The following LRP6 variants were observed in gnomAD, a reference collection of about 807,000 sequenced individuals.
LRP6 encodes the protein LDL receptor related protein 6.
Under a neutral mutation model 184.1 loss-of-function variants are expected in LRP6, and 43 were observed. The observed-to-expected ratio is 0.23, with a 90% CI of 0.18 to 0.30. LRP6 has a LOEUF of 0.30. Ranked by LOEUF, LRP6 falls within the 10% of genes least tolerant of loss-of-function variation. LRP6 has a pLI of 1.00. For missense variants in LRP6, 1,571 were observed against 2,005.3 expected (o/e 0.78, Z 4.14); for synonymous variants, 719 against 684.9 (o/e 1.05, Z -0.78).
intron 1 of LRP6, among the ~76,000 whole-genome samples, chr12:12,245,037 A>T (rs536168983): frequency 6.6e-6 from 1 of 152,380 alleles, no homozygotes; most frequent in East Asian, 1.9e-4. Flanking sequence ...AAAAGGTTAA[A>T]CATACAACCT....
chr12:12,246,208 G>A (rs1203965892), intron 1 of LRP6, among the ~76,000 whole-genome samples: 2 of 151,808 alleles, frequency 1.3e-5, no homozygotes, highest in African/African-American at 4.8e-5. Flanking sequence ...GTTTCGCCAT[G>A]TTGACCAGGC....
At position 12,156,180 on chromosome 12, in the gene LRP6, T is replaced by C. The variant is rs1020136340; in HGVS notation, c.2791+2649A>G. ...TGGCACGTTGGATAGAATGGCAGCA[T>C]AATTTTAATTTTAAATAGCATAGAC... is the stretch of plus-strand genomic sequence containing the variant. On this transcript the variant is annotated intron_variant, in intron 12 of 22. Transcript: ENST00000261349. 2.6e-5 allele frequency among the ~76,000 whole-genome samples: 4 copies of C among 152,194 alleles called. No individual in the cohort carries two copies. The South Asian group carries it at 6.2e-4, about 24-fold the overall frequency.
intron 7 of LRP6, among the ~76,000 whole-genome samples, chr12:12,173,424 C>A (rs949936303): frequency 6.6e-6 from 1 of 152,214 alleles, no homozygotes; most frequent in African/African-American, 2.4e-5. Flanking sequence ...CTCGCTGCAA[C>A]CTCTGCCTCC....
chr12:12,159,247 C>G (rs1001778889), intron 11 of LRP6, 92 bp from the exon 12 acceptor site: 10 of 895,552 alleles, frequency 1.1e-5, no homozygotes, highest in Middle Eastern at 2.9e-4. Flanking sequence ...AAAAAAAAAG[C>G]CCTAACATAT....
At chr12:12,135,736 A>G (rs933971974) in intron 16 of LRP6, among the ~76,000 whole-genome samples, 8 of 151,802 alleles carry the variant, frequency 5.3e-5, no homozygotes, top group Non-Finnish European at 1.5e-5. Flanking sequence ...ATTTCCACAC[A>G]ATATGATTCT....
chr12:12,204,841 C>T (rs1864010951), intron 2 of LRP6, among the ~76,000 whole-genome samples: 1 of 150,310 alleles, frequency 6.7e-6, no homozygotes, highest in Non-Finnish European at 1.5e-5. Context: ...GTGGTGGGTG[C>T]CTGTTATCCC....
intron 2 of LRP6, among the ~76,000 whole-genome samples, chr12:12,207,109 T>A (rs1364095721): frequency 6.6e-6 from 1 of 152,172 alleles, no homozygotes; most frequent in Non-Finnish European, 1.5e-5. Context: ...GCATAAACAT[T>A]CTACTGTGGG....
chr12:12,167,641 CA>C (rs375921278), intron 7 of LRP6, among the ~76,000 whole-genome samples: 3,037 of 118,784 alleles, frequency 0.026, 36 homozygotes, highest in African/African-American at 0.044. Flanking sequence ...GACTCTGTCT[CA>C]AAAAAAAAAA....
intron 7 of LRP6, among the ~76,000 whole-genome samples, chr12:12,171,062 T>G (rs12371077): frequency 6.6e-6 from 1 of 152,158 alleles, no homozygotes; most frequent in Non-Finnish European, 1.5e-5. Flanking sequence ...AGATCAGCCA[T>G]GTACTAACAA....
At chr12:12,140,194 AT>A (rs1376436327) in intron 15 of LRP6, among the ~76,000 whole-genome samples, 1 of 151,826 alleles carries the variant, frequency 6.6e-6, no homozygotes, top group Non-Finnish European at 1.5e-5. Flanking sequence ...ATAAATACCA[AT>A]TAAAAAAAAA....
chr12:12,248,639 G>A lies in LRP6; in HGVS notation c.56-3984C>T, dbSNP rs922009302. 7.9e-5 allele frequency among the ~76,000 whole-genome samples: 12 copies of A among 151,606 alleles called. No individual in the cohort carries two copies. In the East Asian group the frequency reaches 9.7e-4, roughly 12 times the overall value. On this transcript the variant is annotated intron_variant, in intron 1 of 22. Coordinates refer to ENST00000261349, the MANE Select transcript of LRP6 (RefSeq NM_002336.3). ...TGGGACTACAGGCGCCCGCCACTAC[G>A]CCCAGCTAATTTTTGTATTTTTAGT... is the stretch of plus-strand genomic sequence containing the variant.
chr12:12,161,044 C>T (rs1191360356), intron 10 of LRP6, among the ~76,000 whole-genome samples: 6 of 152,168 alleles, frequency 3.9e-5, no homozygotes, highest in African/African-American at 7.2e-5. Context: ...CCACAAGAGC[C>T]AAAGAGAAAC....
intron 7 of LRP6, among the ~76,000 whole-genome samples, chr12:12,166,636 G>C (rs1307689909): frequency 6.6e-6 from 1 of 152,026 alleles, no homozygotes; most frequent in Non-Finnish European, 1.5e-5. Flanking sequence ...TGGTGTAAAA[G>C]CATAAACTAG....
At chr12:12,196,337 T>C (rs563927789) in intron 3 of LRP6, among the ~76,000 whole-genome samples, 7 of 152,220 alleles carry the variant, frequency 4.6e-5, no homozygotes, top group African/African-American at 1.4e-4. Context: ...CATGAAATGT[T>C]TTTCCATTTG....
In LRP6 at chr12:12,138,408, C is replaced by T. The variant is rs372175738; in HGVS notation, c.3524G>A (p.Arg1175Gln). ...QMIEKIDMTG[R>Q]EGRTKVQARI... Reference sequence around the variant, plus strand: ...AGCTTGGACTTTGGTTCTACCCTCTCGACCTGTCATGTCAATTTTTTCAAT... The same window carrying T: ...AGCTTGGACTTTGGTTCTACCCTCTTGACCTGTCATGTCAATTTTTTCAAT... The change falls in exon 16 of 23, where the codon CGA becomes CAA. Residue 1175 changes from arginine (R) to glutamine (Q), a missense_variant. Transcript: ENST00000261349. The T allele has an allele frequency of 1.7e-5, 28 of 1,614,008 alleles. No homozygotes were observed. Among genetic ancestry groups the T allele is most frequent in the Admixed American group, 6.7e-5 (4 of 60,002 alleles).
intron 10 of LRP6, 146 bp from the exon 11 acceptor site, chr12:12,160,110 C>A (rs1198156938): frequency 1.6e-6 from 1 of 631,602 alleles, no homozygotes; most frequent in Admixed American, 3.1e-5. Context: ...GGCTACAATG[C>A]TTTCAATTAT....
intron 2 of LRP6, among the ~76,000 whole-genome samples, chr12:12,232,651 T>C (rs530834068): frequency 3.2e-4 from 47 of 146,830 alleles, no homozygotes; most frequent in African/African-American, 9.9e-5. Context: ...TTGATAGAGA[T>C]TATAAATATT....
At chr12:12,193,314 T>C (rs1353301905) in intron 3 of LRP6, among the ~76,000 whole-genome samples, 3 of 148,782 alleles carry the variant, frequency 2.0e-5, no homozygotes, top group Non-Finnish European at 4.5e-5. Context: ...TAAGAAACTG[T>C]AAGAAGAGTA....
chr12:12,186,658 C>CCT, intron 4 of LRP6: 2 of 288,992 alleles, frequency 6.9e-6, no homozygotes, highest in Non-Finnish European at 1.3e-5. Context: ...GGGATTTTAA[C>CCT]TTTTTTTTTT....
Sources: gnomAD v4.1 joint callset for allele counts (sites outside exome capture counted in the v4.1 genomes callset) on GRCh38, gnomAD v4.1.1 for gene constraint, MANE v1.5 for transcripts, NCBI Gene and HGNC (gene_info 2026-07-23, HGNC 2026-07-21) for gene names.